Variants in NIPSNAP2 observed in about 807,000 individuals in gnomAD.
NIPSNAP2 encodes nipsnap homolog 2, also known as protein NipSnap homolog 2.
NIPSNAP2 carries 42 observed loss-of-function variants against 48.4 expected under a neutral mutation model. The observed-to-expected ratio is 0.87, with a 90% confidence interval of 0.68 to 1.12. The LOEUF (loss-of-function observed/expected upper bound fraction) is 1.12, where lower values mean the gene tolerates loss of function less well. NIPSNAP2 is among the 50% of genes most tolerant of loss of function. The pLI is 0.00. For synonymous variants in NIPSNAP2, 158 were observed against 126.6 expected (o/e 1.25, Z -1.67); for missense variants, 314 against 347.3 (o/e 0.90, Z 0.76).
At chr7:55,981,847 C>T (rs1787223448) in intron 4 of NIPSNAP2, 1 of 374,648 alleles carries the variant, frequency 2.7e-6, no homozygotes, top group African/African-American at 2.1e-5. Flanking sequence ...GCTCTGTTGC[C>T]CAGGCTGGAG....
At chr7:55,983,956 C>A in intron 6 of NIPSNAP2, 88 bp downstream of exon 6, 2 of 1,196,686 alleles carry the variant, frequency 1.7e-6, no homozygotes, top group Non-Finnish European at 2.4e-6. Context: ...CTTGTGTGTA[C>A]ATTCTGTGAT....
At chr7:55,969,827 C>CA (rs957918222) in intron 1 of NIPSNAP2, among the ~76,000 whole-genome samples, 3 of 151,706 alleles carry the variant, frequency 2.0e-5, no homozygotes, top group African/African-American at 7.3e-5. Flanking sequence ...ACTAAAAATA[C>CA]AAAAAATTAG....
chr7:55,976,407 C>T (rs966513545), intron 1 of NIPSNAP2, among the ~76,000 whole-genome samples: 1 of 152,226 alleles, frequency 6.6e-6, no homozygotes, highest in African/African-American at 2.4e-5. Flanking sequence ...TATTTGTATG[C>T]ATTCAACTTT....
intron 1 of NIPSNAP2, among the ~76,000 whole-genome samples, chr7:55,973,177 C>A (rs1369324793): frequency 6.6e-6 from 1 of 152,084 alleles, no homozygotes; most frequent in Non-Finnish European, 1.5e-5. Context: ...TGTCTTTCCC[C>A]TCTATCCCTT....
intron 5 of NIPSNAP2, among the ~76,000 whole-genome samples, chr7:55,983,016 G>T (rs1208655104): frequency 6.6e-6 from 1 of 151,800 alleles, no homozygotes; most frequent in Non-Finnish European, 1.5e-5. Flanking sequence ...CCAGCCACTC[G>T]GGAGGCTGAG....
intron 7 of NIPSNAP2, among the ~76,000 whole-genome samples, chr7:55,990,319 C>T (rs1179060677): frequency 1.3e-5 from 2 of 151,464 alleles, no homozygotes; most frequent in East Asian, 2.0e-4. Context: ...AGCTCCGCCT[C>T]CCAGGTTCAC....
chr7:55,986,977 T>C (rs1787341185), intron 7 of NIPSNAP2, among the ~76,000 whole-genome samples: 1 of 112,304 alleles, frequency 8.9e-6, no homozygotes, highest in South Asian at 3.3e-4. Context: ...TGAAACCCTG[T>C]CTCTATAAAA....
Position 55,981,466 on chromosome 7 carries a change from C to G in NIPSNAP2, c.279-7C>G. Reference sequence around the variant, plus strand: ...TTTAATTAGTGTTGCTGTTTCTTCTCTTTAAGTCAAGAGGTGTTGCCAAAG... The same window carrying G: ...TTTAATTAGTGTTGCTGTTTCTTCTGTTTAAGTCAAGAGGTGTTGCCAAAG... On this transcript the variant is annotated splice_region_variant and splice_polypyrimidine_tract_variant and intron_variant, in intron 3 of 9. Transcript: ENST00000322090. 1 of 1,610,892 alleles carries G rather than the reference C, an allele frequency of 6.2e-7. No individual in the cohort carries two copies. Among genetic ancestry groups the G allele is most frequent in the South Asian group, 1.1e-5 (1 of 90,794 alleles).
chr7:55,989,039 C>G (rs548037563), intron 7 of NIPSNAP2, among the ~76,000 whole-genome samples: 1 of 152,142 alleles, frequency 6.6e-6, no homozygotes, highest in Admixed American at 6.5e-5. Flanking sequence ...AGCAAACATC[C>G]ATGTAAACAC....
In NIPSNAP2 at chr7:55,983,733, T is replaced by C. The variant is rs1787268498; in HGVS notation, c.450T>C (p.Phe150=). ...CACATTTTTTTCACTCAAAGGAATTTTTGGAATTTCGTAAGGCAAGAAGTG... is the reference window on the plus strand; with the variant it reads ...CACATTTTTTTCACTCAAAGGAATTCTTGGAATTTCGTAAGGCAAGAAGTG... ...VMNKLRENKE[F]LEFRKARSDM... Residue 150 remains phenylalanine (F), a synonymous_variant, in exon 6 of 10, where the codon TTT becomes TTC. Transcript: ENST00000322090. 6.8e-6 allele frequency: 11 copies of C among 1,613,324 alleles called. No homozygotes were observed. Among genetic ancestry groups the C allele is most frequent in the Non-Finnish European group, 9.3e-6 (11 of 1,179,816 alleles).
At chr7:55,984,699 C>T (rs760455641) in intron 6 of NIPSNAP2, 148 bp from the exon 7 acceptor site, 15 of 649,950 alleles carry the variant, frequency 2.3e-5, no homozygotes, top group Admixed American at 2.1e-4. Flanking sequence ...GCCTGGGTGA[C>T]GGAGCAAGAT....
At chr7:55,992,769 C>G (rs1787477721) in intron 7 of NIPSNAP2, among the ~76,000 whole-genome samples, 1 of 152,160 alleles carries the variant, frequency 6.6e-6, no homozygotes, top group Admixed American at 6.5e-5. Context: ...ACTGAGACTT[C>G]AGGCCAGAGC....
intron 1 of NIPSNAP2, among the ~76,000 whole-genome samples, chr7:55,972,469 G>A (rs1054573900): frequency 8.1e-6 from 1 of 123,200 alleles, no homozygotes; most frequent in South Asian, 2.5e-4. Flanking sequence ...TTTCACTCTT[G>A]TTGCCCAGGC....
chr7:55,978,532 C>A, intron 3 of NIPSNAP2, 137 bp downstream of exon 3: 1 of 811,026 alleles, frequency 1.2e-6, no homozygotes, highest in Non-Finnish European at 1.9e-6. Flanking sequence ...GGCTCTTAAA[C>A]TGAGCTTCAT....
chr7:55,995,203 G>A (rs1051612968), intron 8 of NIPSNAP2, among the ~76,000 whole-genome samples: 1 of 151,450 alleles, frequency 6.6e-6, no homozygotes, highest in Non-Finnish European at 1.5e-5. Flanking sequence ...GAGTAGGGAT[G>A]ATGGGGAAAG....
chr7:55,976,036 AAAAGT>A (rs1351212478), intron 1 of NIPSNAP2, among the ~76,000 whole-genome samples: 3 of 73,288 alleles, frequency 4.1e-5, no homozygotes, highest in Non-Finnish European at 7.7e-5. Flanking sequence ...ATTCTCTCAA[AAAAGT>A]GTGTGTGTGT....
chr7:55,967,532 C>G (rs1035992311), intron 1 of NIPSNAP2, among the ~76,000 whole-genome samples: 2 of 151,564 alleles, frequency 1.3e-5, no homozygotes, highest in East Asian at 1.9e-4. Flanking sequence ...AATGGCATGA[C>G]CACGGCTCAC....
chr7:55,973,573 C>G (rs935768894), intron 1 of NIPSNAP2, among the ~76,000 whole-genome samples: 1 of 151,934 alleles, frequency 6.6e-6, no homozygotes, highest in African/African-American at 2.4e-5. Context: ...CTCCTGGGTT[C>G]AAGCGATTCT....
At position 55,978,184 on chromosome 7, in the gene NIPSNAP2, G is replaced by A. The variant is rs1189224368; in HGVS notation, c.151G>A (p.Val51Ile). The A allele has an allele frequency of 1.2e-6, 2 of 1,613,978 alleles. No individual in the cohort carries two copies. ...REDSWLKSLF[V>I]RKVDPRKDAH... ...AGACAGCTGGCTAAAATCCTTATTT[G>A]TCCGGAAAGTTGATCCAAGAAAAGA... Residue 51 changes from valine to isoleucine, a missense_variant, in exon 2 of 10, where the codon GTC becomes ATC. By Grantham distance (29) the Val-to-Ile change is conservative. This residue lies in a region of NIPSNAP2 where 198 missense variants were observed against 185.5 expected (regional missense o/e 1.07). Transcript: ENST00000322090.
Sources: allele counts gnomAD v4.1 joint callset (sites outside exome capture counted in the v4.1 genomes callset), GRCh38; gene constraint gnomAD v4.1.1; regional missense constraint gnomAD v4.1.1; transcripts MANE v1.5; gene names NCBI Gene and HGNC (gene_info 2026-07-23, HGNC 2026-07-21).